Variants in PPM1E observed in about 807,000 individuals in gnomAD.
PPM1E encodes the protein protein phosphatase, Mg2+/Mn2+ dependent 1E.
Under a neutral mutation model 65.9 loss-of-function variants are expected in PPM1E, and 20 were observed. That is an observed-to-expected ratio of 0.30 (90% confidence interval 0.21 to 0.44). The LOEUF is 0.44. PPM1E is among the 20% of genes least tolerant of loss of function. PPM1E has a pLI of 1.00. For missense variants in PPM1E, 713 were observed against 953.1 expected (o/e 0.75, Z 3.32); for synonymous variants, 352 against 374.9 (o/e 0.94, Z 0.70).
At chr17:58,764,329 C>A (rs1354246487) in intron 1 of PPM1E, among the ~76,000 whole-genome samples, 1 of 152,030 alleles carries the variant, frequency 6.6e-6, no homozygotes, top group Non-Finnish European at 1.5e-5. Context: ...CATATCTAAC[C>A]ATTTTTAATT....
rs548052838 is a variant in PPM1E at position 58,980,824 on chromosome 17, T to G, written c.2061T>G (p.Phe687Leu). Reference protein sequence around the residue: ...KWHRFRFNPKFYSFLSAQEPS... With the variant: ...KWHRFRFNPKLYSFLSAQEPS... ...ACAGATTCAGGTTTAATCCAAAGTT[T>G]TATTCATTTCTCTCTGCTCAAGAGC... is the stretch of plus-strand genomic sequence containing the variant. Residue 687 changes from phenylalanine to leucine, a missense_variant, in exon 7 of 7, where the codon TTT becomes TTG. Coordinates refer to ENST00000308249, the MANE Select transcript of PPM1E (RefSeq NM_014906.5). The surrounding 1 kb of genome is among the most constrained non-coding windows in gnomAD (Gnocchi z 4.7). The G allele has an allele frequency of 7.8e-5, 126 of 1,614,074 alleles. No homozygotes were observed. Among genetic ancestry groups the G allele is most frequent in the South Asian group, 5.9e-4 (54 of 91,090 alleles).
Position 58,980,434 on chromosome 17 carries a change from A to G in PPM1E, c.1671A>G (p.Pro557=). 1.2e-6 allele frequency: 2 copies of G among 1,614,202 alleles called. No individual in the cohort carries two copies. The highest frequency in any genetic ancestry group is 1.7e-6 in the Non-Finnish European group (2 of 1,180,034). Residue 557 remains proline, a synonymous_variant, in exon 7 of 7, where the codon CCA becomes CCG. Transcript: ENST00000308249. The surrounding 1 kb of genome is among the most constrained non-coding windows in gnomAD (Gnocchi z 4.7). ...TCACTGATAGAACTAGCCTGAGCCC[A>G]GGGTCCCAAATCAACGTGCTGGAAG... ...DSFTDRTSLS[P]GSQINVLEDP...
rs982977580 is a variant in PPM1E at position 58,917,824 on chromosome 17, A to G, written c.465-37825A>G. ...TCATTTTTCATTTACTGACCAGATC[A>G]GATCTTTTCAAAGTCAAACTATAAT... On this transcript the variant is annotated intron_variant, in intron 1 of 6. Transcript: ENST00000308249. Among the ~76,000 whole-genome samples the G allele has an allele frequency of 2.0e-5, 3 of 152,330 alleles. No homozygotes were observed. The South Asian group carries it at 6.2e-4, about 32-fold the overall frequency.
At chr17:58,901,977 AAAATAAAT>A (rs200810319) in intron 1 of PPM1E, among the ~76,000 whole-genome samples, 2 of 152,078 alleles carry the variant, frequency 1.3e-5, no homozygotes, top group South Asian at 4.1e-4. Flanking sequence ...ACTCCTCTCA[AAAATAAAT>A]AAATAAATAA....
At chr17:58,900,365 C>A (rs1262729978) in intron 1 of PPM1E, among the ~76,000 whole-genome samples, 1 of 152,226 alleles carries the variant, frequency 6.6e-6, no homozygotes, top group South Asian at 2.1e-4. Context: ...CCTTCAGCAA[C>A]CACCACCTTG....
intron 1 of PPM1E, among the ~76,000 whole-genome samples, chr17:58,944,558 C>T (rs2052120354): frequency 6.7e-6 from 1 of 149,526 alleles, no homozygotes; most frequent in African/African-American, 2.6e-5. Context: ...CTGGGCTTTT[C>T]ATATAATTAT....
chr17:58,827,641 G>A (rs964049653), intron 1 of PPM1E, among the ~76,000 whole-genome samples: 2 of 151,624 alleles, frequency 1.3e-5, no homozygotes, highest in Admixed American at 1.3e-4. Flanking sequence ...GGTGGCTTAT[G>A]CCTGTAATCC....
chr17:58,819,088 A>T (rs2050454311), intron 1 of PPM1E, among the ~76,000 whole-genome samples: 1 of 152,194 alleles, frequency 6.6e-6, no homozygotes, highest in South Asian at 2.1e-4. Flanking sequence ...TGAAATCCAA[A>T]ATTGTAACTG....
intron 1 of PPM1E, among the ~76,000 whole-genome samples, chr17:58,763,524 T>C (rs2049843669): frequency 6.6e-6 from 1 of 152,128 alleles, no homozygotes; most frequent in South Asian, 2.1e-4. Flanking sequence ...GTACAAAATC[T>C]TGGTGGGTAG....
chr17:58,828,732 G>C (rs1165715508), intron 1 of PPM1E, among the ~76,000 whole-genome samples: 1 of 152,126 alleles, frequency 6.6e-6, no homozygotes, highest in African/African-American at 2.4e-5. Flanking sequence ...CCAAAGTTCT[G>C]GGATTACAGG....
In PPM1E at chr17:58,980,590, G is replaced by A. The variant is rs1011779488; in HGVS notation, c.1827G>A (p.Glu609=). The A allele has an allele frequency of 6.2e-7, 1 of 1,614,066 alleles. No individual in the cohort carries two copies. The highest frequency in any genetic ancestry group is 1.3e-5 in the African/African-American group (1 of 74,932). The change falls in exon 7 of 7, where the codon GAG becomes GAA. Residue 609 remains glutamate, a synonymous_variant. Transcript: ENST00000308249. The surrounding 1 kb of genome is among the most constrained non-coding windows in gnomAD (Gnocchi z 4.7). ...KANLINELMM[E]KKSVQSSLPE... ...ATCTTATTAATGAGTTAATGATGGA[G>A]AAAAAATCAGTTCAGTCATCATTGC...
chr17:58,885,134 G>C (rs544369327), intron 1 of PPM1E, among the ~76,000 whole-genome samples: 2 of 152,208 alleles, frequency 1.3e-5, no homozygotes, highest in Non-Finnish European at 2.9e-5. Context: ...TCGGCTCACT[G>C]CAACCTCTGG....
intron 1 of PPM1E, among the ~76,000 whole-genome samples, chr17:58,789,659 G>C (rs534148576): frequency 6.6e-6 from 1 of 151,752 alleles, no homozygotes; most frequent in Non-Finnish European, 1.5e-5. Context: ...TGAACAAAAG[G>C]CATCTTTATT....
chr17:58,800,408 T>G (rs568758642), intron 1 of PPM1E, among the ~76,000 whole-genome samples: 1 of 152,310 alleles, frequency 6.6e-6, no homozygotes, highest in Non-Finnish European at 1.5e-5. Flanking sequence ...CTTTTTTTCT[T>G]TTTGTAATTT....
At chr17:58,978,908 G>C (rs1169904398) in intron 6 of PPM1E, among the ~76,000 whole-genome samples, 1 of 152,120 alleles carries the variant, frequency 6.6e-6, no homozygotes, top group African/African-American at 2.4e-5. Flanking sequence ...TAGAAACCTA[G>C]TTTAGTGTGG....
chr17:58,885,845 G>A lies in PPM1E; in HGVS notation c.465-69804G>A, dbSNP rs529838473. On this transcript the variant is annotated intron_variant, in intron 1 of 6. Coordinates refer to ENST00000308249, the MANE Select transcript of PPM1E (RefSeq NM_014906.5). ...GCCATTCTCCAACCAAGTCAGGGGTGTATACACTTAGCTGCTAGCATTCTA... is the reference window on the plus strand; with the variant it reads ...GCCATTCTCCAACCAAGTCAGGGGTATATACACTTAGCTGCTAGCATTCTA... 2.0e-5 allele frequency among the ~76,000 whole-genome samples: 3 copies of A among 152,324 alleles called. No homozygotes were observed. In the South Asian group the frequency reaches 6.2e-4, roughly 32 times the overall value.
rs188176009 is a variant in PPM1E at position 58,852,328 on chromosome 17, C to T, written c.464+95867C>T. ...ACCTCAGTTGGAAATGCAGAAATCA[C>T]CCGTCTTCTGTGTTGCTCATGCTGG... On this transcript the variant is annotated intron_variant, in intron 1 of 6. Transcript: ENST00000308249. Among the ~76,000 whole-genome samples the T allele has an allele frequency of 5.1e-4, 77 of 152,290 alleles. 1 individual carries two copies. In the East Asian group the frequency reaches 0.014, roughly 27 times the overall value.
At chr17:58,914,357 C>T (rs2051661613) in intron 1 of PPM1E, among the ~76,000 whole-genome samples, 2 of 152,204 alleles carry the variant, frequency 1.3e-5, no homozygotes, top group Non-Finnish European at 2.9e-5. Flanking sequence ...CAGGATACTA[C>T]ATTGCATCAC....
chr17:58,905,604 AT>A (rs1442209018), intron 1 of PPM1E, among the ~76,000 whole-genome samples: 3 of 151,744 alleles, frequency 2.0e-5, no homozygotes, highest in Non-Finnish European at 4.4e-5. Flanking sequence ...ACATTGTTGG[AT>A]TTGGTTTGCT....
Sources: gnomAD v4.1 joint callset for allele counts (sites outside exome capture counted in the v4.1 genomes callset) on GRCh38, gnomAD v4.1.1 for gene constraint, Gnocchi (gnomAD v3.1) non-coding constraint, MANE v1.5 for transcripts, NCBI Gene and HGNC (gene_info 2026-07-23, HGNC 2026-07-21) for gene names.